Variants in TTN observed in about 807,000 individuals in gnomAD.
TTN encodes the protein titin, also known as connectin.
Under a neutral mutation model 3,223.0 loss-of-function variants are expected in TTN, and 1,525 were observed. That is an observed-to-expected ratio of 0.47 (90% CI 0.45 to 0.49). The LOEUF is 0.49. TTN is among the 20% of genes least tolerant of loss of function. TTN has a pLI of 0.00. For missense variants in TTN, 40,786 were observed against 43,424.0 expected, an observed-to-expected ratio of 0.94 and a Z score of 5.40; for synonymous variants, 14,094 against 15,161.0, an observed-to-expected ratio of 0.93 and a Z score of 5.17.
chr2:178,580,733 TC>T, intron 316 of TTN, 124 bp from the exon 317 acceptor site: 2 of 912,880 alleles, frequency 2.2e-6, no homozygotes, highest in South Asian at 1.7e-5. Context: ...CTTTAAAACT[TC>T]CTTAATACAA....
In TTN at chr2:178,609,688, G is replaced by T; in HGVS notation, c.51735C>A (p.Pro17245=). 1.3e-6 allele frequency: 2 copies of T among 1,576,348 alleles called. No homozygotes were observed. The highest frequency in any genetic ancestry group is 1.2e-5 in the South Asian group (1 of 84,710). The stretch of plus-strand genomic sequence containing the variant: ...ACTCCATGAAACAAAACTTACCAAT[G>T]GGATCTACAGCTTTGGTTGGAGGAG... ...RATPPTKAVD[P]IDAPKVILRT... The change falls in exon 272 of 363, where the codon CCC becomes CCA. Residue 17245 remains proline, a synonymous_variant. Transcript: ENST00000589042.
rs753766297 is a variant in TTN, at chr2:178,563,474, C to G, written c.82658G>C (p.Gly27553Ala). The G allele has an allele frequency of 6.2e-7, 1 of 1,613,624 alleles. No homozygotes were observed. The highest frequency in any genetic ancestry group is 2.2e-5 in the East Asian group (1 of 44,790). ...RVAAENAAGV[G>A]EPSEPSVFYR... Reference sequence around the variant, plus strand: ...GAAAACAGATGGCTCACTAGGTTCTCCCACACCAGCTGCATTTTCAGCAGC... The same window carrying G: ...GAAAACAGATGGCTCACTAGGTTCTGCCACACCAGCTGCATTTTCAGCAGC... Residue 27553 changes from glycine to alanine, a missense_variant, in exon 326 of 363, where the codon GGA becomes GCA. Gly to Ala is a moderately conservative substitution (Grantham distance 60). Transcript: ENST00000589042. The surrounding 1 kb of genome is among the most constrained non-coding windows in gnomAD (Gnocchi z 4.5).
Position 178,599,130 on chromosome 2 carries a change from A to G in TTN, c.56647+16T>C. On this transcript the variant is annotated intron_variant, in intron 290 of 362. Coordinates refer to ENST00000589042, the MANE Select transcript of TTN (RefSeq NM_001267550.2). ...AGTAAAAATGGCTTTGTATGTGAAA[A>G]TGTTCTCCTACTTACAGAAGAGGTT... 1 of 1,509,638 alleles carries G rather than the reference A, an allele frequency of 6.6e-7. No homozygotes were observed. The highest frequency in any genetic ancestry group is 1.4e-5 in the African/African-American group (1 of 71,438). 93.5% of individuals were successfully genotyped at this position (1,509,638 alleles called of 1,614,324 possible).
intron 89 of TTN, 47 bp from the exon 90 acceptor site, chr2:178,715,311 A>G (rs1271791393): frequency 2.0e-6 from 3 of 1,537,058 alleles, no homozygotes; most frequent in Non-Finnish European, 2.6e-6. Flanking sequence ...GTAAGTATAT[A>G]GTTAAAAGTA....
In TTN at chr2:178,617,839, G is replaced by A. The variant is rs762271078; in HGVS notation, c.47512C>T (p.Arg15838Ter). The part of the protein sequence containing the change: ...EYSFRVRAQN[R>*]IGVGKPSAAT... ...GCACTTGGTTTTCCAACTCCAATTC[G>A]ATTTTGGGCTCTCACTCGGAAACTG... The change falls in exon 253 of 363, where the codon CGA becomes TGA. Residue 15838 changes from arginine (R) to a stop codon, truncating the protein, a stop_gained. Transcript: ENST00000589042. LOFTEE classifies it high-confidence loss of function. 4 of 1,612,512 alleles carry A rather than the reference G, an allele frequency of 2.5e-6. No homozygotes were observed. The highest frequency in any genetic ancestry group is 2.5e-6 in the Non-Finnish European group (3 of 1,179,062).
rs1249036184 is a variant in TTN, at chr2:178,590,072, A to G, written c.61653T>C (p.Ala20551=). 1.2e-6 allele frequency: 2 copies of G among 1,613,084 alleles called. No individual in the cohort carries two copies. Among genetic ancestry groups the G allele is most frequent in the Admixed American group, 3.3e-5 (2 of 59,934 alleles). Residue 20551 remains alanine, a synonymous_variant, in exon 304 of 363, where the codon GCT becomes GCC. Coordinates refer to ENST00000589042, the MANE Select transcript of TTN (RefSeq NM_001267550.2). The part of the protein sequence containing the change: ...RADHGKYIIS[A]KNSSGHAQGS... ...CTTGGGCATGTCCACTGCTGTTCTT[A>G]GCTGAGATGATATACTTGCCATGAT... is the stretch of plus-strand genomic sequence containing the variant.
Position 178,592,417 on chromosome 2 carries a change from G to T in TTN, c.59588C>A (p.Ala19863Asp), listed in dbSNP as rs1416865059. The change falls in exon 301 of 363, where the codon GCT becomes GAT. Residue 19863 changes from alanine (A) to aspartate (D), a missense_variant. By Grantham distance (126) the Ala-to-Asp change is moderately radical. Coordinates refer to ENST00000589042, the MANE Select transcript of TTN (RefSeq NM_001267550.2). The part of the protein sequence containing the change: ...GIYSLTVENP[A>D]GSKTVSVKVL... The stretch of plus-strand genomic sequence containing the variant: ...TTTTACTGAGACAGTTTTTGAACCA[G>T]CTGGATTCTCCACTGTTAAAGAATA... 6.2e-7 allele frequency: 1 copy of T among 1,613,298 alleles called. No individual in the cohort carries two copies. The highest frequency in any genetic ancestry group is 1.1e-5 in the South Asian group (1 of 90,970).
In TTN at chr2:178,646,534, T is replaced by C. The variant is rs756681989; in HGVS notation, c.40248A>G (p.Lys13416=). The C allele has an allele frequency of 1.3e-6, 2 of 1,547,200 alleles. No individual in the cohort carries two copies. Among genetic ancestry groups the C allele is most frequent in the Non-Finnish European group, 1.7e-6 (2 of 1,144,662 alleles). Residue 13416 remains lysine, a synonymous_variant, in exon 216 of 363, where the codon AAA becomes AAG. Coordinates refer to ENST00000589042, the MANE Select transcript of TTN (RefSeq NM_001267550.2). Reference sequence around the variant, plus strand: ...GTGGTTCAGGTTCGGGCTCTTCAGGTTTAATATACTTTTCAATTTCACGTT... The same window carrying C: ...GTGGTTCAGGTTCGGGCTCTTCAGGCTTAATATACTTTTCAATTTCACGTT... ...VEEREIEKYI[K]PEEPEPEPQP... is the part of the protein sequence containing the mutation.
Position 178,595,769 on chromosome 2 carries a change from G to A in TTN, c.57585C>T (p.Asn19195=), listed in dbSNP as rs1057523577. Residue 19195 remains asparagine (N), a synonymous_variant, in exon 295 of 363, where the codon AAC becomes AAT. Transcript: ENST00000589042. The stretch of plus-strand genomic sequence containing the variant: ...TCAGTTTGCAGGACTCATTGGTTAG[G>A]TTGTGAGCTAGGAATGGTGTTCCAA... ...GPVGTPFLAH[N]LTNESCKLTW... is the part of the protein sequence containing the mutation. The A allele has an allele frequency of 6.2e-7, 1 of 1,608,332 alleles. No individual in the cohort carries two copies. The highest frequency in any genetic ancestry group is 8.5e-7 in the Non-Finnish European group (1 of 1,177,440).
chr2:178,709,673 A>G lies in TTN; in HGVS notation c.28646T>C (p.Leu9549Ser), dbSNP rs763448983. 1 of 1,613,920 alleles carries G rather than the reference A, an allele frequency of 6.2e-7. No homozygotes were observed. Among genetic ancestry groups the G allele is most frequent in the Non-Finnish European group, 8.5e-7 (1 of 1,179,814 alleles). The stretch of plus-strand genomic sequence containing the variant: ...GCCTGCTTTCCTGACTTGCAGCACT[A>G]ACGTGTTGTTCTTGAATGTTATTTC... ...NCEITFKNNTLVLQVRKAGMN... is the reference protein window; with the variant it reads ...NCEITFKNNTSVLQVRKAGMN... The change falls in exon 99 of 363, where the codon TTA becomes TCA. Residue 9549 changes from leucine (L) to serine (S), a missense_variant. Physicochemically the swap from Leu to Ser is moderately radical, Grantham distance 145. Transcript: ENST00000589042.
chr2:178,691,350 G>A (rs186819501), intron 121 of TTN, among the ~76,000 whole-genome samples: 4 of 152,208 alleles, frequency 2.6e-5, no homozygotes, highest in Admixed American at 6.5e-5. Flanking sequence ...ACCAAAGCAA[G>A]GGATTTGTGA....
rs1553606008 is a variant in TTN at position 178,572,108 on chromosome 2, G to C, written c.74024C>G (p.Thr24675Ser). The C allele has an allele frequency of 6.2e-7, 1 of 1,613,196 alleles. No individual in the cohort carries two copies. Among genetic ancestry groups the C allele is most frequent in the Admixed American group, 1.7e-5 (1 of 59,986 alleles). Residue 24675 changes from threonine (T) to serine (S), a missense_variant, in exon 326 of 363, where the codon ACT becomes AGT. Thr to Ser is a moderately conservative substitution (Grantham distance 58, BLOSUM62 1). Coordinates refer to ENST00000589042, the MANE Select transcript of TTN (RefSeq NM_001267550.2). ...TCATVKVTEA[T>S]ITGLIQGEEY... is the part of the protein sequence containing the mutation. ...TTCACCCTGAATTAATCCAGTGATAGTGGCTTCAGTGACCTTGACTGTGGC... is the reference window on the plus strand; with the variant it reads ...TTCACCCTGAATTAATCCAGTGATACTGGCTTCAGTGACCTTGACTGTGGC...
At chr2:178,588,440 T>A in intron 304 of TTN, 98 bp downstream of exon 304, 1 of 1,346,838 alleles carries the variant, frequency 7.4e-7, no homozygotes, top group African/African-American at 1.5e-5. Flanking sequence ...ACAGTTTGGA[T>A]GTTACAGATT....
At chr2:178,623,574 A>C (rs1316717121) in intron 242 of TTN, among the ~76,000 whole-genome samples, 4 of 151,886 alleles carry the variant, frequency 2.6e-5, no homozygotes, top group Non-Finnish European at 5.9e-5. Flanking sequence ...TCTTGGAGTG[A>C]AGGTAGATGT....
Position 178,624,611 on chromosome 2 carries a change from G to A in TTN, c.44669C>T (p.Thr14890Ile), listed in dbSNP as rs2154215014. The change falls in exon 242 of 363, where the codon ACA (threonine) becomes ATA (isoleucine). Residue 14890 changes from threonine (T) to isoleucine (I), a missense_variant. Transcript: ENST00000589042. The stretch of plus-strand genomic sequence containing the variant: ...ATACTTCTTGCTTTTGAGGATTTCT[G>A]TCCCATTTTTGAACCATTTCACCTT... ...NAKVKWFKNG[T>I]EILKSKKYEI... 6.2e-7 allele frequency: 1 copy of A among 1,612,566 alleles called. No homozygotes were observed. Among genetic ancestry groups the A allele is most frequent in the South Asian group, 1.1e-5 (1 of 91,048 alleles).
chr2:178,550,575 A>G (rs1456921415), intron 336 of TTN: 2 of 414,444 alleles, frequency 4.8e-6, no homozygotes, highest in Non-Finnish European at 8.6e-6. Flanking sequence ...CAGTCACACA[A>G]GTTCTTTTAA....
Position 178,546,226 on chromosome 2 carries a change from A to G in TTN, c.95105T>C (p.Met31702Thr), listed in dbSNP as rs778808720. Residue 31702 changes from methionine (M) to threonine (T), a missense_variant, in exon 342 of 363, where the codon ATG becomes ACG. Coordinates refer to ENST00000589042, the MANE Select transcript of TTN (RefSeq NM_001267550.2). ...NASGTKAVSV[M>T]VKVLDSPGPC... is the part of the protein sequence containing the mutation. ...GACATGCTTACCAAGCACTTTGACC[A>G]TGACAGACACGGCCTTGGTCCCGCT... 5 of 1,610,398 alleles carry G rather than the reference A, an allele frequency of 3.1e-6. No individual in the cohort carries two copies. Among genetic ancestry groups the G allele is most frequent in the Non-Finnish European group, 4.2e-6 (5 of 1,177,404 alleles).
intron 149 of TTN, 156 bp from the exon 150 acceptor site, chr2:178,675,269 A>G (rs2067807522): frequency 4.0e-6 from 2 of 495,268 alleles, no homozygotes; most frequent in Non-Finnish European, 7.0e-6. Flanking sequence ...ATGAGAAAAG[A>G]ATAAAAAGGT....
Position 178,611,184 on chromosome 2 carries a change from G to C in TTN, c.50945C>G (p.Pro16982Arg), listed in dbSNP as rs1402845968. The C allele has an allele frequency of 6.2e-7, 1 of 1,612,596 alleles. No homozygotes were observed. The highest frequency in any genetic ancestry group is 1.3e-5 in the African/African-American group (1 of 74,826). ...LSIPVPFRAV[P>R]VPTVSWHKDG... is the part of the protein sequence containing the mutation. ...TTTATGCCAACTAACAGTTGGAACT[G>C]GGACAGCTCTGAAGGGAACAGGAAT... The change falls in exon 270 of 363, where the codon CCA (proline) becomes CGA (arginine). Residue 16982 changes from proline (P) to arginine (R), a missense_variant. By Grantham distance (103) the Pro-to-Arg change is moderately radical. Coordinates refer to ENST00000589042, the MANE Select transcript of TTN (RefSeq NM_001267550.2).
Sources: allele counts gnomAD v4.1 joint callset (sites outside exome capture counted in the v4.1 genomes callset), GRCh38; gene constraint gnomAD v4.1.1; non-coding constraint Gnocchi (gnomAD v3.1); transcripts MANE v1.5; gene names NCBI Gene and HGNC (gene_info 2026-07-23, HGNC 2026-07-21).